Variants in CTNNA3 observed in about 807,000 individuals in gnomAD.
CTNNA3 encodes catenin alpha 3, also known as catenin alpha-3.
Under a neutral mutation model 95.7 loss-of-function variants are expected in CTNNA3, and 76 were observed. The ratio of observed to expected loss-of-function variants is 0.79; its 90% CI spans 0.66 to 0.96. The LOEUF (loss-of-function observed/expected upper bound fraction) is 0.96. Ranked by LOEUF, CTNNA3 falls within the 40% of genes least tolerant of loss-of-function variation. CTNNA3 has a pLI of 0.00. For synonymous variants in CTNNA3, 431 were observed against 374.4 expected, an observed-to-expected ratio of 1.15 and a Z score of -1.74; for missense variants, 1,191 against 1,089.8, an observed-to-expected ratio of 1.09 and a Z score of -1.31.
chr10:67,727,105 T>C lies in CTNNA3; in HGVS notation c.-2+36329A>G, dbSNP rs1393599004. 1.2e-4 allele frequency among the ~76,000 whole-genome samples: 15 copies of C among 120,462 alleles called. No homozygotes were observed. The Admixed American group carries it at 1.5e-3, about 12-fold the overall frequency. 79.0% of individuals were successfully genotyped at this position (120,462 alleles called of 152,430 possible). A position where few individuals can be genotyped will look rare whatever the true frequency, so the allele number is the denominator to read the frequency against. ...ATATGATATAATTATATATAATATATGATACATATATGATATAATTATATA... is the reference window on the plus strand; with the variant it reads ...ATATGATATAATTATATATAATATACGATACATATATGATATAATTATATA... On this transcript the variant is annotated intron_variant, in intron 1 of 17. Coordinates refer to the CTNNA3 transcript ENST00000684154.
intron 5 of CTNNA3, among the ~76,000 whole-genome samples, chr10:67,259,779 C>T (rs993875236): frequency 6.6e-6 from 1 of 152,102 alleles, no homozygotes. Context: ...TGACCTTGCT[C>T]TCTGATTCTG....
chr10:67,524,395 CAAAAAAAAAA>C (rs200850487), intron 4 of CTNNA3, among the ~76,000 whole-genome samples: 6 of 70,280 alleles, frequency 8.5e-5, no homozygotes, highest in East Asian at 2.6e-4. Flanking sequence ...GACTCTGTCT[CAAAAAAAAAA>C]AAAAAAAAAA....
At chr10:66,760,589 A>G (rs955958108) in intron 9 of CTNNA3, among the ~76,000 whole-genome samples, 19 of 152,272 alleles carry the variant, frequency 1.2e-4, no homozygotes, top group Middle Eastern at 3.4e-3. Context: ...TAAGACACTA[A>G]CATTCCATTT....
At position 65,918,455 on chromosome 10, in the gene CTNNA3, T is replaced by G. The variant is rs1433213189; in HGVS notation, c.*1875A>C. 6.6e-6 allele frequency: 1 copy of G among 151,788 alleles called. No individual in the cohort carries two copies. The highest frequency in any genetic ancestry group is 1.5e-5 in the Non-Finnish European group (1 of 67,914). 9.4% of individuals were successfully genotyped at this position (151,788 alleles called of 1,614,324 possible). ...AAGGATATACCACAGATGTCACTCGTGCAACATCTACACTTAGAGCAGAAA... is the reference window on the plus strand; with the variant it reads ...AAGGATATACCACAGATGTCACTCGGGCAACATCTACACTTAGAGCAGAAA... On this transcript the variant is annotated 3_prime_UTR_variant, in exon 18 of 18. Transcript: ENST00000433211.
In CTNNA3 at chr10:67,666,200, G is replaced by A. The variant is rs1002562415; in HGVS notation, c.-5-18682C>T. Among the ~76,000 whole-genome samples, 5 of 152,146 alleles carry A rather than the reference G, an allele frequency of 3.3e-5. No homozygotes were observed. The East Asian group carries it at 9.6e-4, about 29-fold the overall frequency. The stretch of plus-strand genomic sequence containing the variant: ...TACCCAGGTAGTGTCCAGTGGTGGG[G>A]TGAGAAAAGCAGTTCTTATCTCACC... On this transcript the variant is annotated intron_variant, in intron 1 of 17. Coordinates refer to ENST00000433211, the MANE Select transcript of CTNNA3 (RefSeq NM_013266.4).
intron 6 of CTNNA3, among the ~76,000 whole-genome samples, chr10:67,207,963 C>T (rs960378591): frequency 1.3e-5 from 2 of 152,082 alleles, no homozygotes; most frequent in Admixed American, 6.5e-5. Context: ...AATCACCAAA[C>T]ATTTGAGAAA....
intron 13 of CTNNA3, among the ~76,000 whole-genome samples, chr10:66,272,864 C>T (rs1257879212): frequency 1.3e-5 from 2 of 152,166 alleles, no homozygotes; most frequent in African/African-American, 4.8e-5. Context: ...TGCCAGAAAC[C>T]TCGGATAGTA....
chr10:66,563,575 C>T (rs1180706743), intron 10 of CTNNA3, among the ~76,000 whole-genome samples: 2 of 151,968 alleles, frequency 1.3e-5, no homozygotes, highest in East Asian at 3.9e-4. Context: ...AATCACTAAA[C>T]CAAAGAGAAA....
chr10:66,488,920 G>C (rs1008684149), intron 11 of CTNNA3, among the ~76,000 whole-genome samples: 3 of 151,276 alleles, frequency 2.0e-5, no homozygotes, highest in Non-Finnish European at 2.9e-5. Context: ...TTTTTTTTTG[G>C]TGTGTCAAAG....
chr10:66,621,579 G>A (rs1282369199), intron 10 of CTNNA3, 113 bp downstream of exon 10: 43 of 587,308 alleles, frequency 7.3e-5, no homozygotes, highest in Admixed American at 2.9e-4. Context: ...GCAACAGAGC[G>A]AGACCTGGTC....
chr10:67,506,640 C>T (rs1839436824), intron 5 of CTNNA3, among the ~76,000 whole-genome samples: 1 of 152,080 alleles, frequency 6.6e-6, no homozygotes, highest in South Asian at 2.1e-4. Flanking sequence ...CCAACAGTGC[C>T]CTAGGCATGC....
intron 5 of CTNNA3, among the ~76,000 whole-genome samples, chr10:67,355,907 T>C (rs1489123036): frequency 6.6e-6 from 1 of 151,986 alleles, no homozygotes; most frequent in Non-Finnish European, 1.5e-5. Context: ...CACACTGCCC[T>C]TCTCCCAGCC....
intron 10 of CTNNA3, among the ~76,000 whole-genome samples, chr10:66,588,628 A>T (rs917211315): frequency 6.6e-6 from 1 of 152,168 alleles, no homozygotes; most frequent in Non-Finnish European, 1.5e-5. Context: ...TTTGAAGACT[A>T]GTTAGCATAT....
intron 3 of CTNNA3, among the ~76,000 whole-genome samples, chr10:67,549,670 G>A (rs1386473244): frequency 6.6e-6 from 1 of 152,064 alleles, no homozygotes; most frequent in Admixed American, 6.6e-5. Context: ...CTGTTTATGT[G>A]CAGCCTACAA....
intron 7 of CTNNA3, among the ~76,000 whole-genome samples, chr10:66,814,259 G>A (rs1307724485): frequency 7.6e-5 from 5 of 65,608 alleles, no homozygotes; most frequent in African/African-American, 4.0e-4. Flanking sequence ...TAAAGTAAAG[G>A]AGGAAAGAAA....
At chr10:67,388,710 T>C (rs1274458170) in intron 5 of CTNNA3, among the ~76,000 whole-genome samples, 1 of 151,940 alleles carries the variant, frequency 6.6e-6, no homozygotes, top group East Asian at 1.9e-4. Flanking sequence ...ACAGCGGATC[T>C]CTCGGCAGAA....
At chr10:67,449,842 C>T (rs2132957585) in intron 5 of CTNNA3, among the ~76,000 whole-genome samples, 1 of 152,058 alleles carries the variant, frequency 6.6e-6, no homozygotes. Context: ...TTCTGCACAG[C>T]AAAAGAAACT....
chr10:66,160,319 T>A (rs1008780211), intron 13 of CTNNA3, among the ~76,000 whole-genome samples: 15 of 152,076 alleles, frequency 9.9e-5, no homozygotes, highest in South Asian at 2.1e-4. Context: ...CGTTTAGGGC[T>A]ATGAACTTTC....
At chr10:66,984,974 T>C (rs1045240953) in intron 7 of CTNNA3, among the ~76,000 whole-genome samples, 4 of 152,128 alleles carry the variant, frequency 2.6e-5, no homozygotes, top group Non-Finnish European at 4.4e-5. Context: ...TTTCCTACAA[T>C]CCTCTCTCTT....
Sources: allele counts gnomAD v4.1 joint callset (sites outside exome capture counted in the v4.1 genomes callset), GRCh38; gene constraint gnomAD v4.1.1; transcripts MANE v1.5; gene names NCBI Gene and HGNC (gene_info 2026-07-23, HGNC 2026-07-21).